Variants in MEF2D observed in about 807,000 individuals in gnomAD.
The protein encoded by MEF2D is myocyte-specific enhancer factor 2D.
Under a neutral mutation model 59.3 loss-of-function variants are expected in MEF2D, and 10 were observed. That is an observed-to-expected ratio of 0.17 (90% CI 0.10 to 0.29). MEF2D has a LOEUF of 0.29. Among genes scored for constraint, MEF2D ranks in the 10% least tolerant of loss-of-function variants. The pLI, the probability that MEF2D is intolerant of heterozygous loss-of-function variation, is 1.00. For synonymous variants in MEF2D, 305 were observed against 295.0 expected (o/e 1.03, Z -0.35); for missense variants, 508 against 699.4 (o/e 0.73, Z 3.09).
chr1:156,482,494 G>C lies in MEF2D; in HGVS notation c.201C>G (p.Leu67=). 6.2e-7 allele frequency: 1 copy of C among 1,614,240 alleles called. No individual in the cohort carries two copies. ...YASTDMDKVL[L]KYTEYNEPHE... is the part of the protein sequence containing the mutation. Reference sequence around the variant, plus strand: ...GTGGCTCATTGTACTCCGTGTACTTGAGCAGCACCTTGTCCATGTCGGTGC... The same window carrying C: ...GTGGCTCATTGTACTCCGTGTACTTCAGCAGCACCTTGTCCATGTCGGTGC... Residue 67 remains leucine, a synonymous_variant, in exon 3 of 12, where the codon CTC becomes CTG. Transcript: ENST00000348159.
intron 5 of MEF2D, 36 bp from the exon 6 acceptor site, chr1:156,479,382 A>G: frequency 6.2e-7 from 1 of 1,601,464 alleles, no homozygotes; most frequent in Non-Finnish European, 8.5e-7. Flanking sequence ...AGCTGACAAC[A>G]CTCCCGCTTC....
Position 156,466,680 on chromosome 1 carries a change from C to T in MEF2D, c.*965G>A, listed in dbSNP as rs1196303281. 3 of 152,768 alleles carry T rather than the reference C, an allele frequency of 2.0e-5. No homozygotes were observed. The highest frequency in any genetic ancestry group is 1.9e-4 in the East Asian group (1 of 5,200). 9.5% of individuals were successfully genotyped at this position (152,768 alleles called of 1,614,324 possible). A position where few individuals can be genotyped will look rare whatever the true frequency, so the allele number is the denominator to read the frequency against. On this transcript the variant is annotated 3_prime_UTR_variant, in exon 12 of 12. Coordinates refer to ENST00000348159, the MANE Select transcript of MEF2D (RefSeq NM_005920.4). ...TGGAGCACCCCAGGGAAGTCCAGGC[C>T]GACTCTCGCCCCAGCCACCTCACTG...
Position 156,482,539 on chromosome 1 carries a change from G to T in MEF2D, c.156C>A (p.Asn52Lys), listed in dbSNP as rs887421086. Residue 52 changes from asparagine to lysine, a missense_variant, in exon 3 of 12, where the codon AAC becomes AAA. By Grantham distance (94) the Asn-to-Lys change is moderately conservative (BLOSUM62 0). Around this residue, in one of 2 missense-constraint regions of MEF2D, gnomAD observed 27 missense variants for 114.8 expected, o/e 0.24. Transcript: ENST00000348159. ...CGGTGCTGGCGTACTGGAACAGCTTGTTGGAGTGGTTGAAGATGATGAGTG... is the reference window on the plus strand; with the variant it reads ...CGGTGCTGGCGTACTGGAACAGCTTTTTGGAGTGGTTGAAGATGATGAGTG... ...EIALIIFNHS[N>K]KLFQYASTDM... The T allele has an allele frequency of 3.1e-6, 5 of 1,614,132 alleles. No individual in the cohort carries two copies. Among genetic ancestry groups the T allele is most frequent in the African/African-American group, 1.3e-5 (1 of 74,938 alleles).
At chr1:156,494,139 A>AG (rs1159334846) in intron 1 of MEF2D, among the ~76,000 whole-genome samples, 3 of 151,926 alleles carry the variant, frequency 2.0e-5, no homozygotes, top group African/African-American at 4.8e-5. Context: ...AGCACAATAC[A>AG]CACATGCTTT....
chr1:156,481,232 G>A (rs1671995274), intron 3 of MEF2D, among the ~76,000 whole-genome samples: 1 of 152,148 alleles, frequency 6.6e-6, no homozygotes, highest in Non-Finnish European at 1.5e-5. Flanking sequence ...ACTTGGCAGG[G>A]AGACATGTAC....
intron 9 of MEF2D, among the ~76,000 whole-genome samples, chr1:156,472,829 C>A (rs1205597533): frequency 1.3e-5 from 2 of 152,160 alleles, no homozygotes; most frequent in Non-Finnish European, 2.9e-5. Flanking sequence ...CCTGCCTCAG[C>A]CTCCCGAGTA....
rs2102139374 is a variant in MEF2D at position 156,482,428 on chromosome 1, T to C, written c.258+9A>G. The C allele has an allele frequency of 6.2e-7, 1 of 1,613,550 alleles. No homozygotes were observed. Among genetic ancestry groups the C allele is most frequent in the African/African-American group, 1.3e-5 (1 of 75,042 alleles). On this transcript the variant is annotated intron_variant, in intron 3 of 11. Coordinates refer to ENST00000348159, the MANE Select transcript of MEF2D (RefSeq NM_005920.4). ...GGGTATATCCTGGTGCCTGTGTGTATGGGCCCACCTCGATGATGTCGGCGT... is the reference window on the plus strand; with the variant it reads ...GGGTATATCCTGGTGCCTGTGTGTACGGGCCCACCTCGATGATGTCGGCGT...
rs1029500545 is a variant in MEF2D at position 156,465,768 on chromosome 1, T to C, written c.*1877A>G. On this transcript the variant is annotated 3_prime_UTR_variant, in exon 12 of 12. Transcript: ENST00000348159. ...ATGAACACACTCAGGTACACGTGTG[T>C]ACCTGCGTAGAGGCCCCTCTGCTTC... 6.6e-5 allele frequency: 10 copies of C among 152,154 alleles called. No individual in the cohort carries two copies. Among genetic ancestry groups the C allele is most frequent in the African/African-American group, 2.4e-4 (10 of 41,412 alleles). The allele number at this position is 152,154 out of a possible 1,614,324, so 9.4% of individuals were successfully genotyped here. A position where few individuals can be genotyped will look rare whatever the true frequency, so the allele number is the denominator to read the frequency against.
intron 1 of MEF2D, among the ~76,000 whole-genome samples, chr1:156,494,796 G>A (rs1266758348): frequency 6.6e-6 from 1 of 152,216 alleles, no homozygotes; most frequent in African/African-American, 2.4e-5. Context: ...ACTTCCTCAA[G>A]GTCACCAGAA....
At chr1:156,494,130 G>A (rs1473353882) in intron 1 of MEF2D, among the ~76,000 whole-genome samples, 2 of 152,172 alleles carry the variant, frequency 1.3e-5, no homozygotes, top group Non-Finnish European at 1.5e-5. Flanking sequence ...CTCACCAAAA[G>A]CACAATACAC....
rs371994488 is a variant in MEF2D, at chr1:156,469,068, C to T, written c.1007-48G>A. The T allele has an allele frequency of 9.7e-6, 15 of 1,553,816 alleles. No homozygotes were observed. The East Asian group carries it at 2.0e-4, about 21-fold the overall frequency. On this transcript the variant is annotated intron_variant, in intron 9 of 11. Coordinates refer to ENST00000348159, the MANE Select transcript of MEF2D (RefSeq NM_005920.4). ...TGAACCTGGAGTTGGGGAGAGCACA[C>T]AGGCTCCTATGAGGGAGCTGCCTCC... is the stretch of plus-strand genomic sequence containing the variant.
chr1:156,498,608 C>T (rs1443702747), intron 1 of MEF2D, among the ~76,000 whole-genome samples: 1 of 151,996 alleles, frequency 6.6e-6, no homozygotes, highest in Non-Finnish European at 1.5e-5. Flanking sequence ...CCCCCCTCCC[C>T]CCCTTCCCCC....
intron 1 of MEF2D, among the ~76,000 whole-genome samples, chr1:156,485,162 A>G (rs1252704109): frequency 1.3e-5 from 2 of 152,126 alleles, no homozygotes; most frequent in East Asian, 1.9e-4. Context: ...CTCTGCACCC[A>G]CTGCACACTA....
At chr1:156,481,017 C>T (rs1453262299) in intron 3 of MEF2D, 46 bp from the exon 4 acceptor site, 2 of 1,608,766 alleles carry the variant, frequency 1.2e-6, no homozygotes, top group Non-Finnish European at 1.7e-6. Flanking sequence ...TCCTTCCCGC[C>T]CGCCTCGCTG....
intron 1 of MEF2D, among the ~76,000 whole-genome samples, chr1:156,488,477 A>G (rs1672519567): frequency 6.6e-6 from 1 of 152,138 alleles, no homozygotes; most frequent in Non-Finnish European, 1.5e-5. Flanking sequence ...AACACCCTTG[A>G]CAAAGAGAGC....
chr1:156,480,534 A>G, intron 4 of MEF2D: 3 of 1,167,496 alleles, frequency 2.6e-6, no homozygotes, highest in Non-Finnish European at 3.5e-6. Flanking sequence ...AGTGGTCACT[A>G]AGAACCCGAG....
At chr1:156,474,053 GC>G (rs1671411273) in intron 9 of MEF2D, among the ~76,000 whole-genome samples, 1 of 152,132 alleles carries the variant, frequency 6.6e-6, no homozygotes, top group South Asian at 2.1e-4. Flanking sequence ...CATACCTGCA[GC>G]CTAGAGATTG....
Position 156,474,080 on chromosome 1 carries a change from C to CT in MEF2D, c.1006+1027dup, listed in dbSNP as rs537498335. Among the ~76,000 whole-genome samples the CT allele has an allele frequency of 4.4e-3, 677 of 152,340 alleles. 6 individuals are homozygous for CT. Among genetic ancestry groups the CT allele is most frequent in the South Asian group, 0.029 (142 of 4,830 alleles). ...CTAGAGATTGGTCAGCCTGAATGAT[C>CT]TGCAGACCTGCCTCTGTCCTGTCTC... On this transcript the variant is annotated intron_variant, in intron 9 of 11. Transcript: ENST00000348159.
chr1:156,476,540 G>C (rs1449263429), intron 7 of MEF2D, 26 bp from the exon 8 acceptor site: 2 of 1,609,010 alleles, frequency 1.2e-6, no homozygotes, highest in Non-Finnish European at 8.5e-7. Flanking sequence ...AAACCAAGGG[G>C]ATGTTCAGTC....
Sources: gnomAD v4.1 joint callset for allele counts (sites outside exome capture counted in the v4.1 genomes callset) on GRCh38, gnomAD v4.1.1 for gene constraint, gnomAD v4.1.1 regional missense constraint, MANE v1.5 for transcripts, NCBI Gene and HGNC (gene_info 2026-07-23, HGNC 2026-07-21) for gene names.